Variants in KMT2B observed in about 807,000 individuals in gnomAD.
The protein encoded by KMT2B is lysine methyltransferase 2B, also known as histone-lysine N-methyltransferase 2B.
A neutral mutation model predicts 255.3 loss-of-function variants in KMT2B; 22 were observed. The observed-to-expected ratio is 0.09, with a 90% confidence interval of 0.06 to 0.12. The LOEUF is 0.12. Ranked by LOEUF, KMT2B falls within the 10% of genes least tolerant of loss-of-function variation. The pLI, the probability that KMT2B is intolerant of heterozygous loss-of-function variation, is 1.00. For missense variants in KMT2B, 3,149 were observed against 3,737.0 expected (o/e 0.84, Z 4.10); for synonymous variants, 1,730 against 1,498.1 (o/e 1.15, Z -3.57).
chr19:35,720,467 A>G lies in KMT2B; in HGVS notation c.1120A>G (p.Lys374Glu). Residue 374 changes from lysine (K) to glutamate (E), a missense_variant, in exon 3 of 37, where the codon AAA (lysine) becomes GAA (glutamate). Physicochemically the swap from Lys to Glu is moderately conservative, Grantham distance 56. This residue lies in a region of KMT2B where 1,188 missense variants were observed against 1,106.4 expected (regional missense o/e 1.07). Transcript: ENST00000420124. The stretch of plus-strand genomic sequence containing the variant: ...AGAAGAGAAGAAAGAAGAAGAAGAA[A>G]AAGACAAGGAGGGAGAAGAGAAGGA... ...EEEEKKEEEE[K>E]DKEGEEKEER... The G allele has an allele frequency of 1.3e-6, 2 of 1,551,274 alleles. No individual in the cohort carries two copies. The highest frequency in any genetic ancestry group is 1.7e-6 in the Non-Finnish European group (2 of 1,146,736).
In KMT2B at chr19:35,723,143, C is replaced by A; in HGVS notation, c.2871C>A (p.His957Gln). 1 of 1,613,546 alleles carries A rather than the reference C, an allele frequency of 6.2e-7. No individual in the cohort carries two copies. Among genetic ancestry groups the A allele is most frequent in the Non-Finnish European group, 8.5e-7 (1 of 1,179,882 alleles). The change falls in exon 6 of 37, where the codon CAC becomes CAA. Residue 957 changes from histidine (H) to glutamine (Q), a missense_variant. Transcript: ENST00000420124. This position sits in a 1 kb window ranked among gnomAD's most constrained non-coding sequence, Gnocchi z 7.5. ...HTPRRSLPSH[H>Q]GKKMRMARCG... is the part of the protein sequence containing the mutation. The stretch of plus-strand genomic sequence containing the variant: ...CCCGGCGCTCACTGCCCTCCCATCA[C>A]GGCAAGAAGATGCGCATGGCTCGAT...
intron 30 of KMT2B, among the ~76,000 whole-genome samples, chr19:35,734,584 G>A (rs1476014606): frequency 6.6e-6 from 1 of 152,180 alleles, no homozygotes; most frequent in Non-Finnish European, 1.5e-5. Context: ...CCTGGTGGCT[G>A]GTTTTGAACT....
chr19:35,728,273 C>G, intron 19 of KMT2B, 102 bp downstream of exon 19: 1 of 1,050,580 alleles, frequency 9.5e-7, no homozygotes, highest in Non-Finnish European at 1.4e-6. Context: ...GAGGTAGGGT[C>G]TGGAGCAGAG....
At chr19:35,729,859 C>T (rs77867382) in intron 22 of KMT2B, 108 bp from the exon 23 acceptor site, 1 of 1,124,752 alleles carries the variant, frequency 8.9e-7, no homozygotes, top group Non-Finnish European at 1.3e-6. Context: ...CTAGGGAGAG[C>T]CTTTGCCGTG....
chr19:35,736,538 G>A (rs964907665), intron 30 of KMT2B, 152 bp from the exon 31 acceptor site: 5 of 868,244 alleles, frequency 5.8e-6, no homozygotes, highest in Non-Finnish European at 8.8e-6. Flanking sequence ...GGCTCACTGG[G>A]TAACTGGAGC....
At position 35,736,950 on chromosome 19, in the gene KMT2B, C is replaced by A; in HGVS notation, c.7336C>A (p.Arg2446=). The A allele has an allele frequency of 6.2e-7, 1 of 1,613,886 alleles. No individual in the cohort carries two copies. Among genetic ancestry groups the A allele is most frequent in the South Asian group, 1.1e-5 (1 of 91,064 alleles). Reference sequence around the variant, plus strand: ...TCTGATCGAGAAAGTGCAAGAGGCCCGAGGGCATGCCCGACTCAGACATCT... The same window carrying A: ...TCTGATCGAGAAAGTGCAAGAGGCCAGAGGGCATGCCCGACTCAGACATCT... ...RTLIEKVQEA[R]GHARLRHLSF... is the part of the protein sequence containing the mutation. Residue 2446 remains arginine, a synonymous_variant, in exon 32 of 37, where the codon CGA becomes AGA. Transcript: ENST00000420124.
At chr19:35,735,978 T>C (rs1220391962) in intron 30 of KMT2B, 1 of 152,488 alleles carries the variant, frequency 6.6e-6, no homozygotes, top group Non-Finnish European at 1.5e-5. Context: ...TAATAATATA[T>C]TTGTAGCTGG....
rs758571377 is a variant in KMT2B, at chr19:35,732,749, G to T, written c.6200G>T (p.Gly2067Val). Residue 2067 changes from glycine to valine, a missense_variant, in exon 28 of 37, where the codon GGC (glycine) becomes GTC (valine). Physicochemically the swap from Gly to Val is moderately radical, Grantham distance 109. Coordinates refer to ENST00000420124, the MANE Select transcript of KMT2B (RefSeq NM_014727.3). Reference protein sequence around the residue: ...RIEQLDGVDDGTDSEAEAVQQ... With the variant: ...RIEQLDGVDDVTDSEAEAVQQ... ...GAACAGCTGGACGGCGTGGACGACG[G>T]CACTGACAGTGAGGCTGAGGCGGTG... 2 of 1,610,256 alleles carry T rather than the reference G, an allele frequency of 1.2e-6. No homozygotes were observed. Among genetic ancestry groups the T allele is most frequent in the Non-Finnish European group, 1.7e-6 (2 of 1,178,698 alleles).
At position 35,737,327 on chromosome 19, in the gene KMT2B, G is replaced by T; in HGVS notation, c.7550+64G>T. ...CCTATGAGAGCTCTTGAGGGTGGGA[G>T]TTAACTGTAGAGGTTGGAAACTGAG... is the stretch of plus-strand genomic sequence containing the variant. On this transcript the variant is annotated intron_variant, in intron 33 of 36. Coordinates refer to ENST00000420124, the MANE Select transcript of KMT2B (RefSeq NM_014727.3). This position sits in a 1 kb window ranked among gnomAD's most constrained non-coding sequence, Gnocchi z 5.3. 1 of 1,423,430 alleles carries T rather than the reference G, an allele frequency of 7.0e-7. No individual in the cohort carries two copies. The allele number at this position is 1,423,430 out of a possible 1,614,324, so 88.2% of individuals were successfully genotyped here. A position where few individuals can be genotyped will look rare whatever the true frequency, so the allele number is the denominator to read the frequency against.
rs1242918396 is a variant in KMT2B at position 35,722,536 on chromosome 19, G to A, written c.2572-32G>A. 3 of 1,594,024 alleles carry A rather than the reference G, an allele frequency of 1.9e-6. No individual in the cohort carries two copies. In the South Asian group the frequency reaches 3.3e-5, roughly 18 times the overall value. ...GAGGAGTGGGGCTGCGGGAGCGCAAGCTGCCCACACACACTCCGATTTCTC... is the reference window on the plus strand; with the variant it reads ...GAGGAGTGGGGCTGCGGGAGCGCAAACTGCCCACACACACTCCGATTTCTC... On this transcript the variant is annotated intron_variant, in intron 4 of 36. Coordinates refer to ENST00000420124, the MANE Select transcript of KMT2B (RefSeq NM_014727.3).
In KMT2B at chr19:35,738,075, G is replaced by A. The variant is rs1969992179; in HGVS notation, c.7756G>A (p.Gly2586Arg). 1.9e-6 allele frequency: 3 copies of A among 1,613,808 alleles called. No homozygotes were observed. Among genetic ancestry groups the A allele is most frequent in the Non-Finnish European group, 1.7e-6 (2 of 1,179,858 alleles). ...CCTGCCCTGCAGATCAGCCATCCAC[G>A]GGCGAGGCCTGTTCTGTAAGCGCAA... ...AVGVYRSAIHGRGLFCKRNID... is the reference protein window; with the variant it reads ...AVGVYRSAIHRRGLFCKRNID... Residue 2586 changes from glycine to arginine, a missense_variant, in exon 36 of 37, where the codon GGG becomes AGG. Transcript: ENST00000420124. This position sits in a 1 kb window ranked among gnomAD's most constrained non-coding sequence, Gnocchi z 8.7.
In KMT2B at chr19:35,723,684, C is replaced by G. The variant is rs748612730; in HGVS notation, c.3059-48C>G. 2 of 1,476,086 alleles carry G rather than the reference C, an allele frequency of 1.4e-6. No homozygotes were observed. The highest frequency in any genetic ancestry group is 4.6e-5 in the East Asian group (2 of 43,540). The allele number at this position is 1,476,086 out of a possible 1,614,324, so 91.4% of individuals were successfully genotyped here. ...CTTTCTGGCTTCTCTCCCAGTGTCC[C>G]ATGTCCCTGGCTGAGCTCAAATCCT... On this transcript the variant is annotated intron_variant, in intron 7 of 36. Coordinates refer to ENST00000420124, the MANE Select transcript of KMT2B (RefSeq NM_014727.3). This position sits in a 1 kb window ranked among gnomAD's most constrained non-coding sequence, Gnocchi z 7.5.
rs1451499671 is a variant in KMT2B at position 35,732,519 on chromosome 19, C to T, written c.5970C>T (p.Asp1990=). ...TGGTGTCAGGACTGAGTGCTGCTGA[C>T]CTGGACTTCGCGGCCAGCCTGCTGG... ...MEVVSGLSAA[D]LDFAASLLGT... is the part of the protein sequence containing the mutation. Residue 1990 remains aspartate, a synonymous_variant, in exon 28 of 37, where the codon GAC becomes GAT. Coordinates refer to ENST00000420124, the MANE Select transcript of KMT2B (RefSeq NM_014727.3). The T allele has an allele frequency of 3.7e-6, 6 of 1,613,854 alleles. No homozygotes were observed. Among genetic ancestry groups the T allele is most frequent in the Non-Finnish European group, 4.2e-6 (5 of 1,179,892 alleles).
chr19:35,732,612 G>T lies in KMT2B; in HGVS notation c.6063G>T (p.Gly2021=). The T allele has an allele frequency of 6.2e-7, 1 of 1,612,570 alleles. No individual in the cohort carries two copies. The change falls in exon 28 of 37, where the codon GGG becomes GGT. Residue 2021 remains glycine, a synonymous_variant. Coordinates refer to ENST00000420124, the MANE Select transcript of KMT2B (RefSeq NM_014727.3). ...TGGGGAGCAGCCACGGGGGCCCGGG[G>T]GACAGCTCCGAGGAGGAGTCCAGCC... ...GAMGSSHGGP[G]DSSEEESSPT...
Position 35,736,876 on chromosome 19 carries a change from C to T in KMT2B, c.7298-36C>T, listed in dbSNP as rs1969936697. On this transcript the variant is annotated intron_variant, in intron 31 of 36. Transcript: ENST00000420124. ...AGGAGGGAGAGTGTCCATAAAACAC[C>T]ATCCTGACTCAGCTCTGGCTCTGCT... 9 of 1,613,890 alleles carry T rather than the reference C, an allele frequency of 5.6e-6. No homozygotes were observed. In the East Asian group the frequency reaches 1.6e-4, roughly 28 times the overall value.
At chr19:35,729,351 C>T (rs1348841060) in intron 22 of KMT2B, 55 bp downstream of exon 22, 18 of 1,544,294 alleles carry the variant, frequency 1.2e-5, no homozygotes, top group Non-Finnish European at 1.5e-5. Context: ...GGGAGGCCTC[C>T]TCCGGTGCAA....
chr19:35,738,872 G>A lies in KMT2B; in HGVS notation c.*315G>A. ...CCCCCCCACAATAAAGTCTGTCAAT[G>A]TTTGGAGAGGTGGTCTTCCCATTTG... On this transcript the variant is annotated 3_prime_UTR_variant, in exon 37 of 37. Coordinates refer to ENST00000420124, the MANE Select transcript of KMT2B (RefSeq NM_014727.3). This position sits in a 1 kb window ranked among gnomAD's most constrained non-coding sequence, Gnocchi z 8.7. The A allele has an allele frequency of 4.2e-6, 2 of 472,084 alleles. No homozygotes were observed. The highest frequency in any genetic ancestry group is 3.7e-5 in the East Asian group (1 of 27,074). The allele number at this position is 472,084 out of a possible 1,614,324, so 29.2% of individuals were successfully genotyped here. A position where few individuals can be genotyped will look rare whatever the true frequency, so the allele number is the denominator to read the frequency against.
chr19:35,719,603 C>T lies in KMT2B; in HGVS notation c.436+62C>T, dbSNP rs1490017765. On this transcript the variant is annotated intron_variant, in intron 2 of 36. Coordinates refer to ENST00000420124, the MANE Select transcript of KMT2B (RefSeq NM_014727.3). ...AGGAATTTATCCTCGCCCTTCGTGTCAGCTCTTCCCTGTTCAACTAGCCTC... is the reference window on the plus strand; with the variant it reads ...AGGAATTTATCCTCGCCCTTCGTGTTAGCTCTTCCCTGTTCAACTAGCCTC... 9.8e-6 allele frequency: 15 copies of T among 1,527,782 alleles called. No homozygotes were observed. In the East Asian group the frequency reaches 3.3e-4, roughly 33 times the overall value. 94.6% of individuals were successfully genotyped at this position (1,527,782 alleles called of 1,614,324 possible).
Position 35,721,676 on chromosome 19 carries a change from A to G in KMT2B, c.2329A>G (p.Ile777Val), listed in dbSNP as rs896029004. 6.2e-7 allele frequency: 1 copy of G among 1,612,062 alleles called. No homozygotes were observed. Among genetic ancestry groups the G allele is most frequent in the African/African-American group, 1.3e-5 (1 of 74,876 alleles). Reference sequence around the variant, plus strand: ...GATGCCTCCCCTGGAAAAAGCCCGGATTGCGGGCGTGGGTTCCTTGCCGCT... The same window carrying G: ...GATGCCTCCCCTGGAAAAAGCCCGGGTTGCGGGCGTGGGTTCCTTGCCGCT... Reference protein sequence around the residue: ...QQMPPLEKARIAGVGSLPLSG... With the variant: ...QQMPPLEKARVAGVGSLPLSG... Residue 777 changes from isoleucine (I) to valine (V), a missense_variant, in exon 3 of 37, where the codon ATT becomes GTT. Transcript: ENST00000420124.
Sources: allele counts gnomAD v4.1 joint callset (sites outside exome capture counted in the v4.1 genomes callset), GRCh38; gene constraint gnomAD v4.1.1; regional missense constraint gnomAD v4.1.1; non-coding constraint Gnocchi (gnomAD v3.1); transcripts MANE v1.5; gene names NCBI Gene and HGNC (gene_info 2026-07-23, HGNC 2026-07-21).